Variants in RAB3IP observed in about 807,000 individuals in gnomAD.
RAB3IP encodes RAB3A interacting protein.
In RAB3IP, 36 loss-of-function variants were observed where a neutral mutation model predicts 59.1. That is an observed-to-expected ratio of 0.61 (90% CI 0.47 to 0.80). RAB3IP has a LOEUF of 0.80. Ranked by LOEUF, RAB3IP falls within the 30% of genes least tolerant of loss-of-function variation. RAB3IP has a pLI of 0.00. For synonymous variants in RAB3IP, 207 were observed against 191.2 expected, an observed-to-expected ratio of 1.08 and a Z score of -0.68; for missense variants, 511 against 536.0, an observed-to-expected ratio of 0.95 and a Z score of 0.46.
Position 69,756,604 on chromosome 12 carries a change from T to A in RAB3IP, c.451T>A (p.Leu151Met). Residue 151 changes from leucine (L) to methionine (M), a missense_variant, in exon 3 of 11, where the codon TTG becomes ATG. Coordinates refer to ENST00000247833, the MANE Select transcript of RAB3IP (RefSeq NM_022456.5). ...SLSRLRSPSV[L>M]EVREKGYERL... ...GTCTCGTTTACGAAGCCCATCTGTTTTGGAAGTTAGAGAAAAGGGCTATGA... is the reference window on the plus strand; with the variant it reads ...GTCTCGTTTACGAAGCCCATCTGTTATGGAAGTTAGAGAAAAGGGCTATGA... 6.2e-7 allele frequency: 1 copy of A among 1,614,102 alleles called. No homozygotes were observed. Among genetic ancestry groups the A allele is most frequent in the Non-Finnish European group, 8.5e-7 (1 of 1,179,966 alleles).
chr12:69,821,825 C>T lies in RAB3IP; in HGVS notation c.*6379C>T, dbSNP rs903705861. ...CAGGGTATGCACTCCATGGTTTGCT[C>T]TATGGCCCACCATCCTGGATTGTCT... On this transcript the variant is annotated 3_prime_UTR_variant, in exon 11 of 11. Coordinates refer to ENST00000247833, the MANE Select transcript of RAB3IP (RefSeq NM_022456.5). 4 of 152,136 alleles carry T rather than the reference C, an allele frequency of 2.6e-5. No individual in the cohort carries two copies. The highest frequency in any genetic ancestry group is 9.7e-5 in the African/African-American group (4 of 41,432). 9.4% of individuals were successfully genotyped at this position (152,136 alleles called of 1,614,324 possible). A position where few individuals can be genotyped will look rare whatever the true frequency, so the allele number is the denominator to read the frequency against.
intron 8 of RAB3IP, among the ~76,000 whole-genome samples, chr12:69,802,298 T>TG (rs1186599683): frequency 6.6e-6 from 1 of 152,124 alleles, no homozygotes; most frequent in East Asian, 1.9e-4. Flanking sequence ...AAAGACTTGA[T>TG]GAGATCTCTC....
chr12:69,755,697 A>G (rs1474511621), intron 2 of RAB3IP, 38 bp downstream of exon 2: 1 of 1,534,882 alleles, frequency 6.5e-7, no homozygotes, highest in Non-Finnish European at 8.9e-7. Context: ...ATTTTTTTTA[A>G]AATGGACAGT....
chr12:69,758,881 A>G lies in RAB3IP; in HGVS notation c.510+2218A>G, dbSNP rs1870699710. On this transcript the variant is annotated intron_variant, in intron 3 of 10. Transcript: ENST00000247833. ...TCTCAACAAACACTTTCATAATTTTACGTCTTTGTCTTCCGGCATCTATCA... is the reference window on the plus strand; with the variant it reads ...TCTCAACAAACACTTTCATAATTTTGCGTCTTTGTCTTCCGGCATCTATCA... 2.1e-5 allele frequency among the ~76,000 whole-genome samples: 3 copies of G among 143,470 alleles called. 1 individual carries two copies. In the South Asian group the frequency reaches 6.5e-4, roughly 31 times the overall value. The allele number at this position is 143,470 out of a possible 152,430, so 94.1% of individuals were successfully genotyped here.
At chr12:69,788,279 G>A (rs909751297) in intron 4 of RAB3IP, among the ~76,000 whole-genome samples, 4 of 151,998 alleles carry the variant, frequency 2.6e-5, no homozygotes, top group Admixed American at 2.0e-4. Flanking sequence ...CCAAGATGTG[G>A]TAAAACCTAG....
chr12:69,801,638 A>G lies in RAB3IP; in HGVS notation c.1047A>G (p.Glu349=), dbSNP rs773533421. 6 of 1,612,712 alleles carry G rather than the reference A, an allele frequency of 3.7e-6. No homozygotes were observed. The South Asian group carries it at 5.5e-5, about 15-fold the overall frequency. The change falls in exon 8 of 11, where the codon GAA becomes GAG. Residue 349 remains glutamate (E), a synonymous_variant. Coordinates refer to ENST00000247833, the MANE Select transcript of RAB3IP (RefSeq NM_022456.5). ...CTTCAGCTGTTCTGGAGGCTGTGGA[A>G]AACAATACTCTAAGCATTGAACCAG... ...ELASAVLEAV[E]NNTLSIEPVG... is the part of the protein sequence containing the mutation.
At chr12:69,786,257 C>T (rs1298492886) in intron 4 of RAB3IP, among the ~76,000 whole-genome samples, 2 of 152,162 alleles carry the variant, frequency 1.3e-5, no homozygotes, top group Admixed American at 1.3e-4. Context: ...GGTGCCTGTT[C>T]CACAACTTTT....
rs569375395 is a variant in RAB3IP at position 69,779,468 on chromosome 12, A to G, written c.511-5252A>G. Reference sequence around the variant, plus strand: ...ATTTGTCTTTCTTTATTCCCTCTTGAACTCCAATTACTCGAACATTTTCTC... The same window carrying G: ...ATTTGTCTTTCTTTATTCCCTCTTGGACTCCAATTACTCGAACATTTTCTC... On this transcript the variant is annotated intron_variant, in intron 3 of 10. Coordinates refer to ENST00000247833, the MANE Select transcript of RAB3IP (RefSeq NM_022456.5). Among the ~76,000 whole-genome samples the G allele has an allele frequency of 1.7e-4, 26 of 151,630 alleles. 2 individuals carry two copies. The South Asian group carries it at 5.0e-3, about 29-fold the overall frequency.
At chr12:69,759,650 C>T (rs1176881445) in intron 3 of RAB3IP, among the ~76,000 whole-genome samples, 209 of 110,262 alleles carry the variant, frequency 1.9e-3, no homozygotes, top group African/African-American at 3.1e-3. Context: ...GCTGGCTGGG[C>T]GGGGGCTGAA....
At chr12:69,741,259 A>G (rs1056503743) in intron 1 of RAB3IP, among the ~76,000 whole-genome samples, 1 of 152,164 alleles carries the variant, frequency 6.6e-6, no homozygotes, top group Non-Finnish European at 1.5e-5. Flanking sequence ...GGTTTATCAA[A>G]TTTTACAAGT....
chr12:69,756,386 A>G lies in RAB3IP; in HGVS notation c.252-19A>G, dbSNP rs1870216935. ...AGCATATGCTGATATTTTCTGAAAAATGTCTCTCTCCTTTACAGCTTTCAT... is the reference window on the plus strand; with the variant it reads ...AGCATATGCTGATATTTTCTGAAAAGTGTCTCTCTCCTTTACAGCTTTCAT... On this transcript the variant is annotated intron_variant, in intron 2 of 10. Coordinates refer to ENST00000247833, the MANE Select transcript of RAB3IP (RefSeq NM_022456.5). 1.2e-6 allele frequency: 2 copies of G among 1,609,772 alleles called. No homozygotes were observed. The highest frequency in any genetic ancestry group is 1.7e-6 in the Non-Finnish European group (2 of 1,178,216).
chr12:69,822,875 A>G lies in RAB3IP; in HGVS notation c.*7429A>G, dbSNP rs1302688948. ...ATTTTCCTATCTCCTCTCGCACCAT[A>G]CTAGGCACACAATCTCTGTACCTGT... On this transcript the variant is annotated 3_prime_UTR_variant, in exon 11 of 11. Coordinates refer to ENST00000247833, the MANE Select transcript of RAB3IP (RefSeq NM_022456.5). The G allele has an allele frequency of 6.6e-6, 1 of 152,176 alleles. No homozygotes were observed. The highest frequency in any genetic ancestry group is 6.5e-5 in the Admixed American group (1 of 15,276). The allele number at this position is 152,176 out of a possible 1,614,324, so 9.4% of individuals were successfully genotyped here. A position where few individuals can be genotyped will look rare whatever the true frequency, so the allele number is the denominator to read the frequency against.
At chr12:69,810,915 ATGGAGT>A (rs1190913641) in intron 8 of RAB3IP, among the ~76,000 whole-genome samples, 1 of 152,196 alleles carries the variant, frequency 6.6e-6, no homozygotes, top group African/African-American at 2.4e-5. Flanking sequence ...TGGGAAAAAA[ATGGAGT>A]TGGAGGTCAG....
intron 3 of RAB3IP, among the ~76,000 whole-genome samples, chr12:69,781,688 C>A (rs534074968): frequency 2.5e-4 from 38 of 151,936 alleles, no homozygotes; most frequent in Non-Finnish European, 4.0e-4. Flanking sequence ...TCTTTTATGT[C>A]TTTTCATGGC....
chr12:69,802,026 T>C (rs1290201824), intron 8 of RAB3IP, among the ~76,000 whole-genome samples: 2 of 148,968 alleles, frequency 1.3e-5, no homozygotes, highest in East Asian at 2.1e-4. Flanking sequence ...AATATACATA[T>C]ATGATAGAGA....
chr12:69,803,986 T>C (rs1878823466), intron 8 of RAB3IP, among the ~76,000 whole-genome samples: 1 of 152,172 alleles, frequency 6.6e-6, no homozygotes, highest in Admixed American at 6.5e-5. Flanking sequence ...TATAGCAGCA[T>C]GATTTATAGT....
chr12:69,746,597 G>A (rs564886995), intron 1 of RAB3IP, among the ~76,000 whole-genome samples: 9 of 152,186 alleles, frequency 5.9e-5, no homozygotes, highest in African/African-American at 1.9e-4. Flanking sequence ...GGATTTGCCC[G>A]GAGGTGTTGA....
intron 1 of RAB3IP, among the ~76,000 whole-genome samples, chr12:69,742,986 A>C (rs1346761814): frequency 6.6e-6 from 1 of 152,266 alleles, no homozygotes; most frequent in Non-Finnish European, 1.5e-5. Context: ...AGTTCATGAA[A>C]GATTTGATGC....
chr12:69,762,797 G>C (rs989818283), intron 3 of RAB3IP, among the ~76,000 whole-genome samples: 27 of 145,588 alleles, frequency 1.9e-4, no homozygotes, highest in Admixed American at 1.6e-3. Context: ...GAGAAAAAGA[G>C]AAAAAGAAAA....
Sources: allele counts gnomAD v4.1 joint callset (sites outside exome capture counted in the v4.1 genomes callset), GRCh38; gene constraint gnomAD v4.1.1; transcripts MANE v1.5; gene names NCBI Gene and HGNC (gene_info 2026-07-23, HGNC 2026-07-21).